Variants in OPCML observed in about 807,000 individuals in gnomAD.
OPCML encodes the protein opioid binding protein/cell adhesion molecule like.
In OPCML, 13 loss-of-function variants were observed where a neutral mutation model predicts 37.8. The ratio of observed to expected loss-of-function variants is 0.34; its 90% confidence interval spans 0.22 to 0.55. The LOEUF is 0.55. Ranked by LOEUF, OPCML falls within the 20% of genes least tolerant of loss-of-function variation. The pLI is 0.91. For missense variants in OPCML, 341 were observed against 435.6 expected (o/e 0.78, Z 1.93); for synonymous variants, 176 against 168.8 (o/e 1.04, Z -0.33).
At chr11:132,575,957 C>T (rs1215041411) in intron 3 of OPCML, among the ~76,000 whole-genome samples, 1 of 151,978 alleles carries the variant, frequency 6.6e-6, no homozygotes, top group Non-Finnish European at 1.5e-5. Flanking sequence ...TTCCCTCTTC[C>T]ATTCCCTTAT....
rs2095936707 is a variant in OPCML at position 132,415,803 on chromosome 11, A to T, written c.*4390T>A. 1 of 152,578 alleles carries T rather than the reference A, an allele frequency of 6.6e-6. No homozygotes were observed. The highest frequency in any genetic ancestry group is 2.1e-4 in the South Asian group (1 of 4,828). 9.5% of individuals were successfully genotyped at this position (152,578 alleles called of 1,614,324 possible). A position where few individuals can be genotyped will look rare whatever the true frequency, so the allele number is the denominator to read the frequency against. On this transcript the variant is annotated 3_prime_UTR_variant, in exon 8 of 8. Coordinates refer to ENST00000524381, the MANE Select transcript of OPCML (RefSeq NM_001012393.5). The stretch of plus-strand genomic sequence containing the variant: ...CTTTTTTGCCACATCTTTAATTACA[A>T]ATCTATTTCTTCTTCCTTTCATTTA...
intron 1 of OPCML, chr11:133,360,160 T>G (rs567037046): frequency 1.6e-4 from 24 of 152,342 alleles, no homozygotes; most frequent in African/African-American, 5.5e-4. Context: ...GTTATCCACA[T>G]CAGGAAACTG....
intron 1 of OPCML, among the ~76,000 whole-genome samples, chr11:133,165,729 G>A (rs537091218): frequency 6.6e-5 from 10 of 152,160 alleles, no homozygotes; most frequent in Middle Eastern, 3.4e-3. Context: ...CAAGCTGTGC[G>A]CTGGCAGGCC....
intron 1 of OPCML, among the ~76,000 whole-genome samples, chr11:133,275,675 C>G (rs1013597362): frequency 1.3e-5 from 2 of 152,212 alleles, no homozygotes; most frequent in Non-Finnish European, 2.9e-5. Context: ...ATTAACCTCT[C>G]TCTGCTGGAC....
intron 3 of OPCML, among the ~76,000 whole-genome samples, chr11:132,541,366 G>A (rs191852965): frequency 3.0e-4 from 46 of 152,268 alleles, no homozygotes; most frequent in Non-Finnish European, 5.4e-4. Context: ...TCTAATCTCA[G>A]TTTCTCAAAC....
chr11:132,735,042 G>A lies in OPCML; in HGVS notation c.147-77723C>T, dbSNP rs547930890. Among the ~76,000 whole-genome samples the A allele has an allele frequency of 4.4e-4, 67 of 152,258 alleles. 2 individuals carry two copies. In the South Asian group the frequency reaches 0.014, roughly 32 times the overall value. On this transcript the variant is annotated intron_variant, in intron 2 of 7. Transcript: ENST00000524381. ...ATAAGATTTCCAGGCAGAGTTGAAGGTGTACCTAAGTTTTTCATGCTTTTT... is the reference window on the plus strand; with the variant it reads ...ATAAGATTTCCAGGCAGAGTTGAAGATGTACCTAAGTTTTTCATGCTTTTT...
intron 2 of OPCML, among the ~76,000 whole-genome samples, chr11:132,742,577 C>T (rs1349838864): frequency 6.6e-6 from 1 of 151,992 alleles, no homozygotes; most frequent in Non-Finnish European, 1.5e-5. Context: ...GAAATAAATG[C>T]CTGCTATCTA....
chr11:133,043,593 C>T (rs544696987), intron 1 of OPCML, among the ~76,000 whole-genome samples: 17 of 152,138 alleles, frequency 1.1e-4, no homozygotes, highest in African/African-American at 3.6e-4. Context: ...TTGGTGTGTA[C>T]GGGATTAGAC....
At position 132,424,576 on chromosome 11, in the gene OPCML, G is replaced by A. The variant is rs571396835; in HGVS notation, c.917-4283C>T. Reference sequence around the variant, plus strand: ...AGGGACCTCAGGAAATGCTCTCTACGCTCCCCCGGGGTAAGGTCGCTGACC... The same window carrying A: ...AGGGACCTCAGGAAATGCTCTCTACACTCCCCCGGGGTAAGGTCGCTGACC... On this transcript the variant is annotated intron_variant, in intron 7 of 7. Coordinates refer to ENST00000524381, the MANE Select transcript of OPCML (RefSeq NM_001012393.5). Among the ~76,000 whole-genome samples, 31 of 152,242 alleles carry A rather than the reference G, an allele frequency of 2.0e-4. No homozygotes were observed. The South Asian group carries it at 5.4e-3, about 26-fold the overall frequency.
At chr11:133,129,757 A>T (rs372227171) in intron 1 of OPCML, among the ~76,000 whole-genome samples, 5 of 152,164 alleles carry the variant, frequency 3.3e-5, no homozygotes, top group African/African-American at 4.8e-5. Context: ...ATAATAATAA[A>T]AAGCTGTGTG....
At chr11:133,430,235 G>A (rs1334604884) in intron 1 of OPCML, among the ~76,000 whole-genome samples, 2 of 152,110 alleles carry the variant, frequency 1.3e-5, no homozygotes, top group Non-Finnish European at 2.9e-5. Flanking sequence ...GGAGAGGTGA[G>A]ATCTAAAAAC....
intron 1 of OPCML, among the ~76,000 whole-genome samples, chr11:133,339,824 C>T (rs969338080): frequency 3.3e-5 from 5 of 152,146 alleles, no homozygotes; most frequent in Non-Finnish European, 7.4e-5. Context: ...TATTTTGTAG[C>T]CCTCGTAGAA....
At chr11:132,920,750 T>G (rs1306911152) in intron 2 of OPCML, among the ~76,000 whole-genome samples, 1 of 152,178 alleles carries the variant, frequency 6.6e-6, no homozygotes. Context: ...ATTTATCTGG[T>G]TTTAGAATTT....
intron 4 of OPCML, among the ~76,000 whole-genome samples, chr11:132,474,590 G>A (rs1305596389): frequency 1.3e-5 from 2 of 152,072 alleles, no homozygotes; most frequent in Non-Finnish European, 2.9e-5. Context: ...TCACTATTTG[G>A]AGGAACCAGA....
chr11:133,040,611 G>A (rs898931752), intron 1 of OPCML, among the ~76,000 whole-genome samples: 1 of 152,220 alleles, frequency 6.6e-6, no homozygotes, highest in South Asian at 2.1e-4. Flanking sequence ...AAGAGGGGCA[G>A]GATCCACCTT....
chr11:132,668,658 C>T (rs1030119796), intron 2 of OPCML, among the ~76,000 whole-genome samples: 4 of 152,096 alleles, frequency 2.6e-5, no homozygotes, highest in Admixed American at 2.0e-4. Context: ...ATACTGAATC[C>T]GTTCGCATAT....
intron 2 of OPCML, among the ~76,000 whole-genome samples, chr11:132,864,240 A>AT (rs1257110429): frequency 4.6e-5 from 7 of 152,098 alleles, no homozygotes; most frequent in Non-Finnish European, 8.8e-5. Flanking sequence ...ACCCAGCCTG[A>AT]TTTTTTATTT....
chr11:132,857,933 C>G (rs1446685233), intron 2 of OPCML, among the ~76,000 whole-genome samples: 1 of 151,950 alleles, frequency 6.6e-6, no homozygotes, highest in African/African-American at 2.4e-5. Context: ...TAAGTGTTAC[C>G]CTGGGGAGAC....
chr11:132,653,433 G>C (rs989007595), intron 3 of OPCML, among the ~76,000 whole-genome samples: 2 of 152,090 alleles, frequency 1.3e-5, no homozygotes, highest in Non-Finnish European at 2.9e-5. Flanking sequence ...GGGCTGCCAG[G>C]CTGATTTTCC....
Sources: gnomAD v4.1 joint callset for allele counts (sites outside exome capture counted in the v4.1 genomes callset) on GRCh38, gnomAD v4.1.1 for gene constraint, MANE v1.5 for transcripts, NCBI Gene and HGNC (gene_info 2026-07-23, HGNC 2026-07-21) for gene names.